BCL2: variants seen among roughly 807,000 people sequenced by gnomAD.
The protein encoded by BCL2 is BCL2 apoptosis regulator.
BCL2 carries 1 observed loss-of-function variant against 14.2 expected under a neutral mutation model. The observed-to-expected ratio is 0.07, with a 90% CI of 0.02 to 0.33. The LOEUF (loss-of-function observed/expected upper bound fraction) is 0.33. Ranked by LOEUF, BCL2 falls within the 10% of genes least tolerant of loss-of-function variation. The pLI is 0.99. For missense variants in BCL2, 247 were observed against 305.9 expected (o/e 0.81, Z 1.44); for synonymous variants, 151 against 137.2 (o/e 1.10, Z -0.70).
intron 2 of BCL2, among the ~76,000 whole-genome samples, chr18:63,221,476 C>T (rs1387478257): frequency 6.6e-6 from 1 of 151,900 alleles, no homozygotes. Context: ...AAACAGAGGC[C>T]CCAGAAATAA....
At chr18:63,171,194 T>TTCA (rs1915213049) in intron 2 of BCL2, among the ~76,000 whole-genome samples, 1 of 152,226 alleles carries the variant, frequency 6.6e-6, no homozygotes, top group Non-Finnish European at 1.5e-5. Context: ...CAGAGTTTAC[T>TTCA]AGTGTAATTT....
At chr18:63,308,753 GACAC>G (rs145547473) in intron 2 of BCL2, among the ~76,000 whole-genome samples, 4 of 149,668 alleles carry the variant, frequency 2.7e-5, no homozygotes, top group East Asian at 3.9e-4. Context: ...GGACATTTCA[GACAC>G]ACACACACAC....
At chr18:63,204,990 C>T (rs1568233272) in intron 2 of BCL2, among the ~76,000 whole-genome samples, 2 of 152,102 alleles carry the variant, frequency 1.3e-5, no homozygotes, top group Non-Finnish European at 2.9e-5. Context: ...GATGGAAGAG[C>T]GAGTAGTGAA....
intron 2 of BCL2, among the ~76,000 whole-genome samples, chr18:63,291,436 T>C (rs1182548689): frequency 6.6e-6 from 1 of 152,224 alleles, no homozygotes; most frequent in Non-Finnish European, 1.5e-5. Context: ...GTGACCTAGT[T>C]GGACAGCTAC....
intron 2 of BCL2, among the ~76,000 whole-genome samples, chr18:63,198,754 C>T (rs948641899): frequency 1.4e-5 from 2 of 145,170 alleles, no homozygotes; most frequent in East Asian, 4.2e-4. Context: ...CACACACAGA[C>T]ACACACTGAC....
intron 2 of BCL2, among the ~76,000 whole-genome samples, chr18:63,225,001 T>A (rs1410558091): frequency 2.0e-5 from 3 of 151,140 alleles, no homozygotes; most frequent in Non-Finnish European, 4.4e-5. Context: ...GAGAGAGAAG[T>A]CTAGCTAGAA....
In BCL2 at chr18:63,149,453, A is replaced by G. The variant is rs975590436; in HGVS notation, c.586-20694T>C. On this transcript the variant is annotated intron_variant, in intron 2 of 2. Transcript: ENST00000333681. The surrounding 1 kb of genome is among the most constrained non-coding windows in gnomAD (Gnocchi z 4.2). ...CACAGACCCATACCGGTCCCGGGCT[A>G]TATGTATAAGTTGCAACTGTTGGCT... 6.6e-5 allele frequency among the ~76,000 whole-genome samples: 10 copies of G among 152,166 alleles called. No individual in the cohort carries two copies. The highest frequency in any genetic ancestry group is 1.9e-4 in the African/African-American group (8 of 41,426).
intron 2 of BCL2, among the ~76,000 whole-genome samples, chr18:63,132,868 C>G (rs1018533849): frequency 6.6e-6 from 1 of 152,164 alleles, no homozygotes; most frequent in Non-Finnish European, 1.5e-5. Context: ...AAACCTGGGT[C>G]GTCATGTGAT....
At chr18:63,234,081 ATTTAAT>A (rs1910756601) in intron 2 of BCL2, among the ~76,000 whole-genome samples, 1 of 152,072 alleles carries the variant, frequency 6.6e-6, no homozygotes, top group Non-Finnish European at 1.5e-5. Flanking sequence ...TTCTTTTAAA[ATTTAAT>A]TTTATTTTAT....
At chr18:63,270,613 G>T (rs1355083781) in intron 2 of BCL2, among the ~76,000 whole-genome samples, 1 of 152,172 alleles carries the variant, frequency 6.6e-6, no homozygotes, top group African/African-American at 2.4e-5. Context: ...AGATTCTGCG[G>T]AAAGGAAACC....
chr18:63,195,804 A>G (rs1020568063), intron 2 of BCL2, among the ~76,000 whole-genome samples: 1 of 152,204 alleles, frequency 6.6e-6, no homozygotes, highest in Non-Finnish European at 1.5e-5. Context: ...GGGCCTGCCT[A>G]AAAAAGCCTG....
In BCL2 at chr18:63,128,713, T is replaced by A; in HGVS notation, c.632A>T (p.Asp211Val). 1.3e-6 allele frequency: 1 copy of A among 780,668 alleles called. No homozygotes were observed. Among genetic ancestry groups the A allele is most frequent in the Non-Finnish European group, 2.4e-6 (1 of 418,038 alleles). The allele number at this position is 780,668 out of a possible 1,614,324, so 48.4% of individuals were successfully genotyped here. A position where few individuals can be genotyped will look rare whatever the true frequency, so the allele number is the denominator to read the frequency against. Residue 211 changes from aspartate (D) to valine (V), a missense_variant, in exon 3 of 3, where the codon GAT becomes GTT. Coordinates refer to ENST00000333681, the MANE Select transcript of BCL2 (RefSeq NM_000633.3). Reference sequence around the variant, plus strand: ...AGTCTTCAGAGACAGCCAGGAGAAATCAAACAGAGGCCGCATGCTGGGGCC... The same window carrying A: ...AGTCTTCAGAGACAGCCAGGAGAAAACAAACAGAGGCCGCATGCTGGGGCC... The part of the protein sequence containing the change: ...LYGPSMRPLF[D>V]FSWLSLKTLL...
intron 2 of BCL2, among the ~76,000 whole-genome samples, chr18:63,251,707 T>C (rs1393619810): frequency 7.9e-5 from 9 of 114,088 alleles, no homozygotes; most frequent in African/African-American, 3.2e-4. Flanking sequence ...TTTTTTTTTC[T>C]TTTTTTTTTT....
intron 2 of BCL2, among the ~76,000 whole-genome samples, chr18:63,235,611 G>A (rs967912750): frequency 6.6e-6 from 1 of 151,020 alleles, no homozygotes; most frequent in African/African-American, 2.4e-5. Context: ...GTTATAATGA[G>A]CATTGAGCAT....
chr18:63,283,628 G>A (rs780758358), intron 2 of BCL2, among the ~76,000 whole-genome samples: 51 of 152,144 alleles, frequency 3.4e-4, no homozygotes, highest in Non-Finnish European at 6.2e-4. Context: ...CATGGGAACC[G>A]TATCCCAACC....
intron 2 of BCL2, among the ~76,000 whole-genome samples, chr18:63,244,484 A>G (rs557588833): frequency 2.9e-4 from 44 of 151,544 alleles, no homozygotes; most frequent in Admixed American, 2.6e-3. Context: ...ACTTGAATCT[A>G]GGAGGCGGAG....
intron 2 of BCL2, among the ~76,000 whole-genome samples, chr18:63,207,002 G>A (rs908523393): frequency 1.3e-5 from 2 of 152,218 alleles, no homozygotes; most frequent in Non-Finnish European, 2.9e-5. Context: ...GAGGCTGACA[G>A]ATGCAGAGAG....
intron 2 of BCL2, among the ~76,000 whole-genome samples, chr18:63,230,842 A>G (rs1302528001): frequency 1.3e-5 from 2 of 152,090 alleles, no homozygotes; most frequent in Admixed American, 6.5e-5. Context: ...AAAAACACTA[A>G]GACAATACAA....
chr18:63,206,886 C>A (rs1179466749), intron 2 of BCL2, among the ~76,000 whole-genome samples: 1 of 151,956 alleles, frequency 6.6e-6, no homozygotes, highest in Non-Finnish European at 1.5e-5. Context: ...TCAGAGGAAG[C>A]CCAAAAGTGG....
Sources: gnomAD v4.1 joint callset for allele counts (sites outside exome capture counted in the v4.1 genomes callset) on GRCh38, gnomAD v4.1.1 for gene constraint, Gnocchi (gnomAD v3.1) non-coding constraint, MANE v1.5 for transcripts, NCBI Gene and HGNC (gene_info 2026-07-23, HGNC 2026-07-21) for gene names.